The following SPOCK1 variants were observed in gnomAD, a reference collection of about 807,000 sequenced individuals.
SPOCK1 encodes testican-1.
In SPOCK1, 23 loss-of-function variants were observed where a neutral mutation model predicts 55.3. That is an observed-to-expected ratio of 0.42 (90% CI 0.30 to 0.59). The LOEUF is 0.59. Ranked by LOEUF, SPOCK1 falls within the 20% of genes least tolerant of loss-of-function variation. The pLI, the probability that SPOCK1 is intolerant of heterozygous loss-of-function variation, is 0.22. For missense variants in SPOCK1, 499 were observed against 552.5 expected (o/e 0.90, Z 0.97); for synonymous variants, 226 against 221.0 (o/e 1.02, Z -0.20).
chr5:137,106,524 G>A (rs867123313), intron 5 of SPOCK1, among the ~76,000 whole-genome samples: 5 of 152,196 alleles, frequency 3.3e-5, no homozygotes, highest in Middle Eastern at 3.4e-3. Context: ...TCCTGGGCTC[G>A]GAGCTGTAAT....
In SPOCK1 at chr5:137,024,949, A is replaced by G. The variant is rs192827437; in HGVS notation, c.590-32349T>C. Among the ~76,000 whole-genome samples the G allele has an allele frequency of 7.3e-4, 111 of 152,334 alleles. 2 individuals carry two copies. Among genetic ancestry groups the G allele is most frequent in the Admixed American group, 7.2e-3 (110 of 15,302 alleles). ...GCCTTAAAAAGAAGGAAAACTCATAATGCAGCAATGTGGATGAATCTTGAG... is the reference window on the plus strand; with the variant it reads ...GCCTTAAAAAGAAGGAAAACTCATAGTGCAGCAATGTGGATGAATCTTGAG... On this transcript the variant is annotated intron_variant, in intron 6 of 10. Transcript: ENST00000394945.
chr5:137,124,831 A>G (rs150130029), intron 4 of SPOCK1, among the ~76,000 whole-genome samples: 1 of 152,318 alleles, frequency 6.6e-6, no homozygotes, highest in East Asian at 1.9e-4. Context: ...CACTTTGCAC[A>G]AAGAGAGGAA....
chr5:137,467,988 AC>A (rs924641939), intron 2 of SPOCK1, among the ~76,000 whole-genome samples: 32 of 152,148 alleles, frequency 2.1e-4, no homozygotes, highest in African/African-American at 7.2e-4. Context: ...TTTGGTTTCA[AC>A]CCTCCACACT....
At chr5:137,108,266 T>C (rs571012705) in intron 5 of SPOCK1, among the ~76,000 whole-genome samples, 1 of 152,302 alleles carries the variant, frequency 6.6e-6, no homozygotes, top group South Asian at 2.1e-4. Context: ...ATAGCCCCCT[T>C]GGAAGGAAGC....
At chr5:137,255,515 A>G (rs1217532593) in intron 3 of SPOCK1, among the ~76,000 whole-genome samples, 1 of 152,250 alleles carries the variant, frequency 6.6e-6, no homozygotes, top group Non-Finnish European at 1.5e-5. Context: ...TGACACTTAC[A>G]TATGCCTACA....
At position 137,067,802 on chromosome 5, in the gene SPOCK1, T is replaced by C. The variant is rs1752537872; in HGVS notation, c.502A>G (p.Thr168Ala). 2.5e-6 allele frequency: 4 copies of C among 1,613,938 alleles called. No homozygotes were observed. In the African/African-American group the frequency reaches 5.3e-5, roughly 22 times the overall value. Reference sequence around the variant, plus strand: ...CAGAGGGTGGCGAGGCTTTTGCCAGTAGAACAAGCATGGAACTCCAATTTG... The same window carrying C: ...CAGAGGGTGGCGAGGCTTTTGCCAGCAGAACAAGCATGGAACTCCAATTTG... ...KCKLEFHACS[T>A]GKSLATLCDG... Residue 168 changes from threonine (T) to alanine (A), a missense_variant, in exon 6 of 11, where the codon ACT becomes GCT. Thr to Ala is a moderately conservative substitution (Grantham distance 58). Transcript: ENST00000394945.
At chr5:137,464,416 CAT>C (rs1462578370) in intron 2 of SPOCK1, among the ~76,000 whole-genome samples, 2 of 152,032 alleles carry the variant, frequency 1.3e-5, no homozygotes, top group African/African-American at 4.8e-5. Context: ...ACCCCACAAA[CAT>C]ATACACCTAC....
intron 2 of SPOCK1, among the ~76,000 whole-genome samples, chr5:137,356,834 T>TAG (rs1231164356): frequency 1.4e-3 from 13 of 9,464 alleles, no homozygotes; most frequent in Non-Finnish European, 1.8e-3. Flanking sequence ...TATATATATA[T>TAG]ATATAGAGAG....
At chr5:137,423,409 C>A (rs1287676300) in intron 2 of SPOCK1, among the ~76,000 whole-genome samples, 1 of 152,240 alleles carries the variant, frequency 6.6e-6, no homozygotes, top group African/African-American at 2.4e-5. Flanking sequence ...AGGCAGGCCT[C>A]CTTGAGCTGC....
At chr5:137,267,224 C>T (rs541513251) in intron 2 of SPOCK1, among the ~76,000 whole-genome samples, 169 bp from the exon 3 acceptor site, 11 of 152,304 alleles carry the variant, frequency 7.2e-5, no homozygotes, top group African/African-American at 2.6e-4. Flanking sequence ...ATATCAATTT[C>T]CTTTTCAAAT....
At chr5:137,323,640 C>A (rs1004940191) in intron 2 of SPOCK1, among the ~76,000 whole-genome samples, 2 of 151,722 alleles carry the variant, frequency 1.3e-5, no homozygotes, top group Admixed American at 6.6e-5. Flanking sequence ...AAGAAAACAA[C>A]CCAATTTTTA....
chr5:137,474,408 A>G (rs971769010), intron 2 of SPOCK1, among the ~76,000 whole-genome samples: 1 of 152,100 alleles, frequency 6.6e-6, no homozygotes, highest in African/African-American at 2.4e-5. Flanking sequence ...ATGGAGTCTA[A>G]TGGTATGGTG....
intron 2 of SPOCK1, among the ~76,000 whole-genome samples, chr5:137,458,569 C>T (rs898515570): frequency 3.3e-5 from 5 of 152,178 alleles, no homozygotes; most frequent in African/African-American, 4.8e-5. Flanking sequence ...ATGGTAAAAA[C>T]TCATGTGCTA....
intron 6 of SPOCK1, among the ~76,000 whole-genome samples, chr5:137,019,465 A>G (rs1434249696): frequency 6.6e-6 from 1 of 152,094 alleles, no homozygotes; most frequent in East Asian, 1.9e-4. Flanking sequence ...AACATAATTT[A>G]TGGTTGTAAA....
chr5:137,474,868 G>C (rs1187395831), intron 2 of SPOCK1, among the ~76,000 whole-genome samples: 1 of 152,138 alleles, frequency 6.6e-6, no homozygotes, highest in Non-Finnish European at 1.5e-5. Flanking sequence ...AAAAAAATAT[G>C]GGTAATATTG....
At chr5:136,999,390 C>T (rs548861702) in intron 6 of SPOCK1, among the ~76,000 whole-genome samples, 1 of 152,290 alleles carries the variant, frequency 6.6e-6, no homozygotes, top group East Asian at 1.9e-4. Context: ...CCATTGTCCC[C>T]TTCTCCCTGG....
chr5:137,050,593 C>A (rs917387695), intron 6 of SPOCK1, among the ~76,000 whole-genome samples: 2 of 152,020 alleles, frequency 1.3e-5, no homozygotes, highest in African/African-American at 4.8e-5. Flanking sequence ...GCAGAAATCA[C>A]CCGTCTTCTG....
At chr5:137,151,710 A>G (rs1435961781) in intron 3 of SPOCK1, among the ~76,000 whole-genome samples, 1 of 152,128 alleles carries the variant, frequency 6.6e-6, no homozygotes, top group African/African-American at 2.4e-5. Context: ...TTGAATCTCA[A>G]TCCCACAGGT....
intron 5 of SPOCK1, among the ~76,000 whole-genome samples, chr5:137,086,868 A>C (rs1459546018): frequency 6.6e-6 from 1 of 152,108 alleles, no homozygotes; most frequent in African/African-American, 2.4e-5. Context: ...TAAGTTTTTT[A>C]CTGTGCAGCA....
Sources: gnomAD v4.1 joint callset for allele counts (sites outside exome capture counted in the v4.1 genomes callset) on GRCh38, gnomAD v4.1.1 for gene constraint, MANE v1.5 for transcripts, NCBI Gene and HGNC (gene_info 2026-07-23, HGNC 2026-07-21) for gene names.